The following STK3 variants were observed in gnomAD, a reference collection of about 807,000 sequenced individuals.
STK3 encodes serine/threonine-protein kinase 3.
STK3 carries 41 observed loss-of-function variants against 58.0 expected under a neutral mutation model. The observed-to-expected ratio is 0.71, with a 90% confidence interval of 0.55 to 0.92. STK3 has a LOEUF of 0.92. STK3 is among the 40% of genes least tolerant of loss of function. The probability of loss-of-function intolerance (pLI) is 0.00; values close to 1 mark genes in which losing one functional copy is unlikely to be tolerated. For synonymous variants in STK3, 170 were observed against 191.0 expected (o/e 0.89, Z 0.91); for missense variants, 479 against 602.7 (o/e 0.79, Z 2.15).
intron 1 of STK3, among the ~76,000 whole-genome samples, chr8:98,940,135 C>A (rs933551894): frequency 2.0e-5 from 3 of 152,064 alleles, no homozygotes; most frequent in Non-Finnish European, 4.4e-5. Flanking sequence ...CTCCTACCCC[C>A]TCGGCGTGCG....
rs143965948 is a variant in STK3 at position 98,720,017 on chromosome 8, A to T, written c.352-12706T>A. On this transcript the variant is annotated intron_variant, in intron 4 of 10. Coordinates refer to ENST00000419617, the MANE Select transcript of STK3 (RefSeq NM_006281.4). ...AATATCCAGTCATTCATACAAGTAC[A>T]TGAATAGAGCTTAATTTAAATTTAT... is the stretch of plus-strand genomic sequence containing the variant. 6.8e-3 allele frequency among the ~76,000 whole-genome samples: 1,032 copies of T among 152,330 alleles called. 8 individuals are homozygous for T. The highest frequency in any genetic ancestry group is 0.023 in the African/African-American group (968 of 41,562).
At chr8:98,517,011 T>C (rs1824977842) in intron 10 of STK3, among the ~76,000 whole-genome samples, 1 of 152,132 alleles carries the variant, frequency 6.6e-6, no homozygotes, top group East Asian at 1.9e-4. Flanking sequence ...TAATTAATAA[T>C]ACTATACTGC....
chr8:98,750,711 CA>C (rs1055808905), intron 3 of STK3, among the ~76,000 whole-genome samples: 2 of 151,946 alleles, frequency 1.3e-5, no homozygotes, highest in Non-Finnish European at 2.9e-5. Context: ...GAAACTATTT[CA>C]AAAAATTGAG....
intron 2 of STK3, among the ~76,000 whole-genome samples, chr8:98,769,600 T>C (rs1274387320): frequency 1.3e-5 from 2 of 152,202 alleles, no homozygotes; most frequent in African/African-American, 2.4e-5. Flanking sequence ...CTAATACAGA[T>C]GTGTAGACAG....
intron 1 of STK3, among the ~76,000 whole-genome samples, chr8:98,386,508 C>T (rs1016485841): frequency 1.3e-5 from 2 of 151,916 alleles, no homozygotes; most frequent in African/African-American, 4.8e-5. Context: ...AGTATTTTAC[C>T]TGAGAAAGGT....
intron 6 of STK3, among the ~76,000 whole-genome samples, chr8:98,675,204 C>T (rs993198989): frequency 6.6e-6 from 1 of 152,034 alleles, no homozygotes; most frequent in African/African-American, 2.4e-5. Flanking sequence ...TCAAACATGC[C>T]AAGAATGTTA....
At chr8:98,429,945 G>T (rs143064200) in intron 3 of STK3, 189 of 167,864 alleles carry the variant, frequency 1.1e-3, no homozygotes, top group Non-Finnish European at 1.5e-3. Flanking sequence ...AAAACAAAGA[G>T]AATGCAAAGT....
chr8:98,650,088 A>G (rs371042671), intron 6 of STK3, among the ~76,000 whole-genome samples: 2 of 152,300 alleles, frequency 1.3e-5, no homozygotes, highest in Middle Eastern at 3.4e-3. Context: ...ACAACTATTC[A>G]CCAAATTATG....
intron 2 of STK3, among the ~76,000 whole-genome samples, chr8:98,434,788 A>C (rs1818426554): frequency 6.6e-6 from 1 of 152,210 alleles, no homozygotes; most frequent in African/African-American, 2.4e-5. Flanking sequence ...GATAAAAAGA[A>C]ACCAGAAATC....
intron 6 of STK3, chr8:98,597,423 A>G (rs966043050): frequency 3.0e-6 from 3 of 985,252 alleles, no homozygotes; most frequent in East Asian, 2.3e-4. Context: ...TGTTATACAT[A>G]TTACATCTAT....
chr8:98,716,154 G>A (rs1302663574), intron 4 of STK3, among the ~76,000 whole-genome samples: 1 of 152,174 alleles, frequency 6.6e-6, no homozygotes, highest in Non-Finnish European at 1.5e-5. Flanking sequence ...GGAGTGGGGA[G>A]CGATAGCATT....
rs1042497759 is a variant in STK3 at position 98,526,988 on chromosome 8, A to AT, written c.1142-72dup. 3 of 1,281,492 alleles carry AT rather than the reference A, an allele frequency of 2.3e-6. No homozygotes were observed. In the African/African-American group the frequency reaches 4.5e-5, roughly 19 times the overall value. The allele number at this position is 1,281,492 out of a possible 1,614,324, so 79.4% of individuals were successfully genotyped here. ...AAGGAAGTATTTTCTTTGAAGTATG[A>AT]TTTTTTTATGAAGCCATATAATAAA... On this transcript the variant is annotated intron_variant, in intron 9 of 10. Transcript: ENST00000419617.
intron 10 of STK3, among the ~76,000 whole-genome samples, chr8:98,475,100 G>A (rs117869414): frequency 9.7e-4 from 148 of 152,306 alleles, no homozygotes; most frequent in Non-Finnish European, 1.7e-3. Flanking sequence ...CTGTGATGAA[G>A]TTTCCTGAAA....
intron 1 of STK3, chr8:98,883,902 T>C: frequency 1.8e-6 from 1 of 557,762 alleles, no homozygotes; most frequent in Non-Finnish European, 3.2e-6. Flanking sequence ...CACATACAAA[T>C]AGGGTTGCCG....
rs779880596 is a variant in STK3 at position 98,596,110 on chromosome 8, G to A, written c.744C>T (p.Ser248=). 84 of 1,612,956 alleles carry A rather than the reference G, an allele frequency of 5.2e-5. 1 individual carries two copies. Among genetic ancestry groups the A allele is most frequent in the African/African-American group, 1.3e-4 (10 of 74,868 alleles). The part of the protein sequence containing the change: ...PPTFRKPELW[S]DDFTDFVKKC... Reference sequence around the variant, plus strand: ...TTTTAACAAAATCGGTGAAATCATCGGACCAAAGTTCTGGCTTTCTGAATG... The same window carrying A: ...TTTTAACAAAATCGGTGAAATCATCAGACCAAAGTTCTGGCTTTCTGAATG... Residue 248 remains serine (S), a synonymous_variant, in exon 7 of 11, where the codon TCC becomes TCT. Transcript: ENST00000419617.
chr8:98,380,501 C>T (rs148050511), intron 1 of STK3, among the ~76,000 whole-genome samples: 180 of 152,272 alleles, frequency 1.2e-3, no homozygotes, highest in African/African-American at 4.2e-3. Context: ...CATTTTTTCT[C>T]ACATCTATTA....
At chr8:98,611,207 TG>T (rs2130203026) in intron 6 of STK3, among the ~76,000 whole-genome samples, 2 of 152,220 alleles carry the variant, frequency 1.3e-5, no homozygotes, top group East Asian at 3.9e-4. Flanking sequence ...AACAGTATAA[TG>T]CCCAGTACAA....
At chr8:98,909,475 G>C (rs933240792) in intron 1 of STK3, among the ~76,000 whole-genome samples, 1 of 152,130 alleles carries the variant, frequency 6.6e-6, no homozygotes, top group African/African-American at 2.4e-5. Context: ...ACTTCAAAAA[G>C]AAATCTCCGT....
At chr8:98,623,451 T>G (rs1048441496) in intron 6 of STK3, among the ~76,000 whole-genome samples, 3 of 152,140 alleles carry the variant, frequency 2.0e-5, no homozygotes, top group African/African-American at 7.2e-5. Context: ...TGTGTCCTTA[T>G]AAGAAGAAGA....
Sources: allele counts gnomAD v4.1 joint callset (sites outside exome capture counted in the v4.1 genomes callset), GRCh38; gene constraint gnomAD v4.1.1; transcripts MANE v1.5; gene names NCBI Gene and HGNC (gene_info 2026-07-23, HGNC 2026-07-21).